Variants in SPRR2G observed in about 807,000 individuals in gnomAD.
SPRR2G encodes the protein small proline-rich protein 2G.
Under a neutral mutation model 0.7 loss-of-function variants are expected in SPRR2G, and 1 was observed. That is an observed-to-expected ratio of 1.49 (90% CI 0.53 to 7.06). SPRR2G has a LOEUF of 7.06. Ranked by LOEUF, SPRR2G falls within the 30% of genes most tolerant of loss-of-function variation. The pLI is 0.14. For synonymous variants in SPRR2G, 38 were observed against 33.9 expected, an observed-to-expected ratio of 1.12 and a Z score of -0.42; for missense variants, 96 against 88.5, an observed-to-expected ratio of 1.09 and a Z score of -0.34.
the SPRR2G span, among the ~76,000 whole-genome samples, chr1:153,168,687 T>C: frequency 6.6e-6 from 1 of 152,100 alleles, no homozygotes; most frequent in African/African-American, 2.4e-5. Context: ...TTAGAACTAT[T>C]GAAGAGAACA....
chr1:153,178,186 G>A, the SPRR2G span, among the ~76,000 whole-genome samples: 3 of 152,048 alleles, frequency 2.0e-5, no homozygotes, highest in Non-Finnish European at 4.4e-5. Flanking sequence ...GTATTCTGTG[G>A]CCTTGATAAA....
the SPRR2G span, among the ~76,000 whole-genome samples, chr1:153,202,450 T>C: frequency 6.6e-5 from 10 of 152,302 alleles, no homozygotes; most frequent in African/African-American, 2.2e-4. Context: ...AAAAAGCTTT[T>C]CTTTTCTCAA....
chr1:153,197,188 G>A, the SPRR2G span, among the ~76,000 whole-genome samples: 1 of 149,344 alleles, frequency 6.7e-6, no homozygotes, highest in South Asian at 2.1e-4. Flanking sequence ...GTATGTTGGA[G>A]GATGAAGAGG....
chr1:153,192,123 G>A, the SPRR2G span, among the ~76,000 whole-genome samples: 1 of 152,298 alleles, frequency 6.6e-6, no homozygotes, highest in East Asian at 1.9e-4. Context: ...ATCTGACGAG[G>A]GCTTCTATTA....
the SPRR2G span, among the ~76,000 whole-genome samples, chr1:153,164,585 G>C: frequency 6.6e-6 from 1 of 152,110 alleles, no homozygotes; most frequent in Non-Finnish European, 1.5e-5. Context: ...AGATGCTCAA[G>C]TCCCTTATAT....
chr1:153,199,274 G>A, the SPRR2G span, among the ~76,000 whole-genome samples: 2 of 152,208 alleles, frequency 1.3e-5, no homozygotes, highest in African/African-American at 4.8e-5. Context: ...AGGTGAAGAT[G>A]AGGAATACCA....
the SPRR2G span, among the ~76,000 whole-genome samples, chr1:153,179,045 G>A: frequency 6.6e-6 from 1 of 152,180 alleles, no homozygotes; most frequent in African/African-American, 2.4e-5. Context: ...CTCAATTTAT[G>A]TGATTGCAAA....
At chr1:153,157,322 TGAAAGG>T in the SPRR2G span, among the ~76,000 whole-genome samples, 1 of 152,088 alleles carries the variant, frequency 6.6e-6, no homozygotes, top group African/African-American at 2.4e-5. Context: ...AATTTATAGG[TGAAAGG>T]ATATGATATT....
At chr1:153,188,859 T>C in the SPRR2G span, among the ~76,000 whole-genome samples, 1 of 152,332 alleles carries the variant, frequency 6.6e-6, no homozygotes, top group Admixed American at 6.5e-5. Flanking sequence ...GGGTAGTATC[T>C]GGGCCGGGTA....
the SPRR2G span, among the ~76,000 whole-genome samples, chr1:153,179,580 G>A: frequency 6.6e-6 from 1 of 152,018 alleles, no homozygotes; most frequent in African/African-American, 2.4e-5. Context: ...GGATAATAAT[G>A]TTTGAAATAA....
the SPRR2G span, among the ~76,000 whole-genome samples, chr1:153,196,107 G>C: frequency 6.6e-6 from 1 of 152,144 alleles, no homozygotes. Context: ...CAAATTGTAA[G>C]TGTATTAATA....
chr1:153,195,124 G>A, the SPRR2G span, among the ~76,000 whole-genome samples: 1 of 152,164 alleles, frequency 6.6e-6, no homozygotes, highest in Non-Finnish European at 1.5e-5. Context: ...GCTGGCAGAA[G>A]TGGACTTCCT....
At chr1:153,163,685 C>G in the SPRR2G span, among the ~76,000 whole-genome samples, 1 of 152,180 alleles carries the variant, frequency 6.6e-6, no homozygotes, top group Admixed American at 6.5e-5. Flanking sequence ...GTCCCTCTGA[C>G]TGCTCTCTTC....
At chr1:153,153,151 C>G (rs1364876244), upstream of SPRR2G, among the ~76,000 whole-genome samples, 1 of 152,088 alleles carries the variant, frequency 6.6e-6, no homozygotes, top group African/African-American at 2.4e-5. Context: ...AGTTAAGTAT[C>G]TAGGGAATAG....
At chr1:153,184,678 G>C in the SPRR2G span, among the ~76,000 whole-genome samples, 4 of 152,032 alleles carry the variant, frequency 2.6e-5, no homozygotes, top group Non-Finnish European at 5.9e-5. Flanking sequence ...CCCTCTTCCT[G>C]TCTGAATGCC....
the SPRR2G span, among the ~76,000 whole-genome samples, chr1:153,165,701 G>T: frequency 6.6e-6 from 1 of 152,316 alleles, no homozygotes; most frequent in South Asian, 2.1e-4. Context: ...ATAATGAAAA[G>T]TCTAAGACAA....
At chr1:153,158,646 T>C in the SPRR2G span, among the ~76,000 whole-genome samples, 2 of 152,200 alleles carry the variant, frequency 1.3e-5, no homozygotes, top group Non-Finnish European at 2.9e-5. Context: ...AGTGCCCCAG[T>C]TGGGACACTG....
chr1:153,159,050 C>T, the SPRR2G span, among the ~76,000 whole-genome samples: 1 of 152,118 alleles, frequency 6.6e-6, no homozygotes, highest in Non-Finnish European at 1.5e-5. Context: ...GGAGGGGCTG[C>T]CACGAAGATC....
the SPRR2G span, among the ~76,000 whole-genome samples, chr1:153,167,593 A>C: frequency 6.6e-6 from 1 of 152,358 alleles, no homozygotes; most frequent in East Asian, 1.9e-4. Context: ...TTTGTTTTAC[A>C]TCTGTTTAAT....
Sources: allele counts gnomAD v4.1 joint callset (sites outside exome capture counted in the v4.1 genomes callset), GRCh38; gene constraint gnomAD v4.1.1; transcripts MANE v1.5; gene names NCBI Gene and HGNC (gene_info 2026-07-23, HGNC 2026-07-21).